ARFGEF3: variants seen among roughly 807,000 people sequenced by gnomAD.
The protein encoded by ARFGEF3 is ARFGEF family member 3, also known as brefeldin A-inhibited guanine nucleotide-exchange protein 3.
A neutral mutation model predicts 221.7 loss-of-function variants in ARFGEF3; 96 were observed. The observed-to-expected ratio is 0.43, with a 90% confidence interval of 0.37 to 0.51. The LOEUF is 0.51. ARFGEF3 is among the 20% of genes least tolerant of loss of function. The pLI is 0.00. For missense variants in ARFGEF3, 2,410 were observed against 2,789.9 expected (o/e 0.86, Z 3.07); for synonymous variants, 1,145 against 1,126.8 (o/e 1.02, Z -0.32).
chr6:138,255,240 G>A (rs1426551786), intron 9 of ARFGEF3, among the ~76,000 whole-genome samples, 196 bp from the exon 10 acceptor site: 1 of 152,134 alleles, frequency 6.6e-6, no homozygotes, highest in Non-Finnish European at 1.5e-5. Context: ...ATTCATGCTA[G>A]CTCAATTTAT....
chr6:138,290,978 G>A (rs1355955738), intron 18 of ARFGEF3, among the ~76,000 whole-genome samples: 5 of 152,184 alleles, frequency 3.3e-5, no homozygotes, highest in Admixed American at 2.6e-4. Context: ...CACAAGCAGC[G>A]GGTAAGGGAT....
chr6:138,236,831 T>C (rs1778297887), intron 5 of ARFGEF3, among the ~76,000 whole-genome samples: 1 of 152,186 alleles, frequency 6.6e-6, no homozygotes, highest in Non-Finnish European at 1.5e-5. Flanking sequence ...ACTATATCCA[T>C]GGTTATTTGA....
chr6:138,288,990 G>A (rs1779349256), intron 17 of ARFGEF3, among the ~76,000 whole-genome samples: 1 of 151,722 alleles, frequency 6.6e-6, no homozygotes, highest in African/African-American at 2.4e-5. Flanking sequence ...TTTCACTCTT[G>A]TTGCCCAGGC....
chr6:138,327,287 T>A (rs989455012), intron 31 of ARFGEF3, among the ~76,000 whole-genome samples: 7 of 151,780 alleles, frequency 4.6e-5, no homozygotes, highest in South Asian at 2.1e-4. Context: ...AAAAAATTTT[T>A]AAAAATAGCT....
chr6:138,170,761 T>C (rs748425271), intron 2 of ARFGEF3, 48 bp downstream of exon 2: 1 of 1,097,172 alleles, frequency 9.1e-7, no homozygotes, highest in South Asian at 1.3e-5. Context: ...TATTACCCAC[T>C]GAAGGCCCAG....
chr6:138,217,138 A>G (rs1039661008), intron 4 of ARFGEF3: 1 of 152,184 alleles, frequency 6.6e-6, no homozygotes, highest in African/African-American at 2.4e-5. Flanking sequence ...GGAGATTTTC[A>G]TATTATCTAT....
chr6:138,271,282 C>T (rs550966193), intron 12 of ARFGEF3, among the ~76,000 whole-genome samples: 24 of 152,210 alleles, frequency 1.6e-4, no homozygotes, highest in Admixed American at 4.6e-4. Flanking sequence ...TAGTGGGCAA[C>T]GTAGTAAGAC....
At chr6:138,189,418 A>C (rs986990290) in intron 2 of ARFGEF3, among the ~76,000 whole-genome samples, 1 of 152,240 alleles carries the variant, frequency 6.6e-6, no homozygotes, top group African/African-American at 2.4e-5. Flanking sequence ...AGGATTACCC[A>C]GTAACAACTG....
At chr6:138,164,344 A>G (rs964934715) in intron 1 of ARFGEF3, among the ~76,000 whole-genome samples, 1 of 152,218 alleles carries the variant, frequency 6.6e-6, no homozygotes, top group African/African-American at 2.4e-5. Context: ...AGTCAGCTGC[A>G]GCACTTTGTT....
intron 5 of ARFGEF3, among the ~76,000 whole-genome samples, chr6:138,232,101 A>G (rs1778203444): frequency 6.6e-6 from 1 of 152,214 alleles, no homozygotes. Flanking sequence ...GCTGAGCCCG[A>G]TTTCTGTTAA....
intron 2 of ARFGEF3, among the ~76,000 whole-genome samples, chr6:138,173,132 T>G (rs754606869): frequency 6.6e-6 from 1 of 151,988 alleles, no homozygotes; most frequent in Non-Finnish European, 1.5e-5. Context: ...ATTATTTTAC[T>G]GTTAAAGAAG....
chr6:138,207,709 A>G (rs998846885), intron 3 of ARFGEF3, among the ~76,000 whole-genome samples: 2 of 152,252 alleles, frequency 1.3e-5, no homozygotes, highest in African/African-American at 4.8e-5. Context: ...GGTGATGACT[A>G]TGTAAATATA....
intron 8 of ARFGEF3, among the ~76,000 whole-genome samples, chr6:138,251,167 G>A (rs1469000854): frequency 6.6e-6 from 1 of 152,186 alleles, no homozygotes; most frequent in Non-Finnish European, 1.5e-5. Context: ...TAACCTGGGG[G>A]TTGAAGTATT....
chr6:138,286,178 C>T lies in ARFGEF3; in HGVS notation c.2569+125C>T, dbSNP rs914472935. On this transcript the variant is annotated intron_variant, in intron 15 of 33. Coordinates refer to ENST00000251691, the MANE Select transcript of ARFGEF3 (RefSeq NM_020340.5). ...TTAGAAAAAGTAATTGGGCCGGGCC[C>T]GGTGGCTCACGCCTGTAATCCCAGC... 10 of 656,934 alleles carry T rather than the reference C, an allele frequency of 1.5e-5. 1 individual carries two copies. Among genetic ancestry groups the T allele is most frequent in the Admixed American group, 9.4e-5 (4 of 42,724 alleles). 40.7% of individuals were successfully genotyped at this position (656,934 alleles called of 1,614,324 possible).
At chr6:138,289,170 C>T (rs1375387213) in intron 17 of ARFGEF3, among the ~76,000 whole-genome samples, 2 of 152,162 alleles carry the variant, frequency 1.3e-5, no homozygotes, top group East Asian at 3.9e-4. Flanking sequence ...TCAGGCTGGT[C>T]TCGAACTCCC....
At chr6:138,221,909 G>T (rs572061010) in intron 4 of ARFGEF3, among the ~76,000 whole-genome samples, 1 of 152,288 alleles carries the variant, frequency 6.6e-6, no homozygotes, top group East Asian at 1.9e-4. Context: ...CAGAAATTTG[G>T]CAAGTTGAGC....
At chr6:138,234,599 G>A (rs891990927) in intron 5 of ARFGEF3, among the ~76,000 whole-genome samples, 25 of 152,002 alleles carry the variant, frequency 1.6e-4, no homozygotes, top group African/African-American at 5.8e-4. Flanking sequence ...GGAATAGCCT[G>A]GCAACTGAGT....
chr6:138,166,947 T>C (rs1776735137), intron 1 of ARFGEF3, among the ~76,000 whole-genome samples: 1 of 152,226 alleles, frequency 6.6e-6, no homozygotes, highest in Non-Finnish European at 1.5e-5. Flanking sequence ...AGAAATTGTA[T>C]CTGTGTTCTC....
At chr6:138,177,057 C>CTTTA (rs3044801) in intron 2 of ARFGEF3, among the ~76,000 whole-genome samples, 10,454 of 146,160 alleles carry the variant, frequency 0.072, 428 homozygotes, top group Non-Finnish European at 0.086. Flanking sequence ...TTCACTTTTA[C>CTTTA]TTTATTTATT....
Sources: allele counts gnomAD v4.1 joint callset (sites outside exome capture counted in the v4.1 genomes callset), GRCh38; gene constraint gnomAD v4.1.1; transcripts MANE v1.5; gene names NCBI Gene and HGNC (gene_info 2026-07-23, HGNC 2026-07-21).